The following ZFAND6 variants were observed in gnomAD, a reference collection of about 807,000 sequenced individuals.
ZFAND6 encodes zinc finger AN1-type containing 6, also known as AN1-type zinc finger protein 6.
A neutral mutation model predicts 24.5 loss-of-function variants in ZFAND6; 12 were observed. The observed-to-expected ratio is 0.49, with a 90% CI of 0.31 to 0.79. The LOEUF (loss-of-function observed/expected upper bound fraction) is 0.79, where lower values mean the gene tolerates loss of function less well. Ranked by LOEUF, ZFAND6 falls within the 30% of genes least tolerant of loss-of-function variation. The probability of loss-of-function intolerance (pLI) is 0.04; values close to 1 mark genes in which losing one functional copy is unlikely to be tolerated. For synonymous variants in ZFAND6, 92 were observed against 81.5 expected, an observed-to-expected ratio of 1.13 and a Z score of -0.69; for missense variants, 207 against 245.9, an observed-to-expected ratio of 0.84 and a Z score of 1.06.
intron 1 of ZFAND6, among the ~76,000 whole-genome samples, chr15:80,090,031 C>T (rs1007633936): frequency 1.3e-5 from 2 of 152,208 alleles, no homozygotes; most frequent in African/African-American, 4.8e-5. Flanking sequence ...TGTATAACTT[C>T]TCTTCCTTGT....
chr15:80,090,009 G>A (rs546330509), intron 1 of ZFAND6, among the ~76,000 whole-genome samples: 16 of 152,126 alleles, frequency 1.1e-4, no homozygotes, highest in African/African-American at 3.9e-4. Context: ...TCCCTATAAC[G>A]AAGCTAATCA....
chr15:80,081,847 G>A (rs1009071019), intron 1 of ZFAND6, among the ~76,000 whole-genome samples: 1 of 152,222 alleles, frequency 6.6e-6, no homozygotes, highest in Admixed American at 6.5e-5. Flanking sequence ...ATTACTGAGT[G>A]CAAACTTGTG....
At chr15:80,117,803 C>T (rs139374780) in intron 2 of ZFAND6, among the ~76,000 whole-genome samples, 1 of 151,950 alleles carries the variant, frequency 6.6e-6, no homozygotes, top group Non-Finnish European at 1.5e-5. Context: ...AGTTGGGTGC[C>T]ACTGCTTTGA....
chr15:80,137,742 G>A lies in ZFAND6; in HGVS notation c.*114G>A. ...CAGTGTATCTTGCATGTCATCGGAA[G>A]AATAGATTTTTGTTTTGGTTTTGTT... On this transcript the variant is annotated 3_prime_UTR_variant, in exon 7 of 7. Transcript: ENST00000261749. 1 of 1,152,558 alleles carries A rather than the reference G, an allele frequency of 8.7e-7. No individual in the cohort carries two copies. The highest frequency in any genetic ancestry group is 1.2e-6 in the Non-Finnish European group (1 of 868,816). 71.4% of individuals were successfully genotyped at this position (1,152,558 alleles called of 1,614,324 possible).
chr15:80,088,972 T>C (rs1004569438), intron 1 of ZFAND6, among the ~76,000 whole-genome samples: 6 of 152,258 alleles, frequency 3.9e-5, no homozygotes, highest in Non-Finnish European at 7.4e-5. Context: ...AGACCCACCA[T>C]AATCTTGCCC....
intron 1 of ZFAND6, among the ~76,000 whole-genome samples, chr15:80,088,103 T>C (rs2038114772): frequency 6.6e-6 from 1 of 152,226 alleles, no homozygotes; most frequent in Non-Finnish European, 1.5e-5. Flanking sequence ...TTATTTAGTT[T>C]TGTCAGTTGT....
chr15:80,137,401 G>C (rs1190385625), intron 6 of ZFAND6, 79 bp from the exon 7 acceptor site: 1 of 1,472,562 alleles, frequency 6.8e-7, no homozygotes, highest in African/African-American at 1.5e-5. Context: ...TAAATATATT[G>C]TGCTGTTCAG....
intron 1 of ZFAND6, chr15:80,060,073 G>A (rs1206263407): frequency 6.6e-6 from 1 of 151,638 alleles, no homozygotes; most frequent in African/African-American, 2.4e-5. Context: ...GCCCGCGGCC[G>A]GGGGCCGCTT....
At chr15:80,067,450 A>T (rs1334386032) in intron 1 of ZFAND6, among the ~76,000 whole-genome samples, 2 of 152,114 alleles carry the variant, frequency 1.3e-5, no homozygotes, top group East Asian at 3.8e-4. Flanking sequence ...TCATGGGCTC[A>T]TTTTATATTG....
At chr15:80,110,525 A>G (rs915417529) in intron 2 of ZFAND6, among the ~76,000 whole-genome samples, 1 of 152,082 alleles carries the variant, frequency 6.6e-6, no homozygotes. Flanking sequence ...GAAATTGACA[A>G]ACTGAATCTA....
Position 80,113,655 on chromosome 15 carries a change from G to A in ZFAND6, c.-17-6673G>A, listed in dbSNP as rs369949958. ...CTCCCCTTTTCAACAGAATATAGCC[G>A]TTTTTTGCCTGACATGAATACTTGT... On this transcript the variant is annotated intron_variant, in intron 2 of 6. Transcript: ENST00000261749. 8.9e-4 allele frequency among the ~76,000 whole-genome samples: 135 copies of A among 152,172 alleles called. 1 individual carries two copies. Among genetic ancestry groups the A allele is most frequent in the Middle Eastern group, 3.4e-3 (1 of 294 alleles).
At chr15:80,134,101 C>T (rs1478873456) in intron 6 of ZFAND6, among the ~76,000 whole-genome samples, 1 of 151,964 alleles carries the variant, frequency 6.6e-6, no homozygotes, top group Non-Finnish European at 1.5e-5. Flanking sequence ...GATTCTCCTG[C>T]CTCAGCCTCC....
intron 2 of ZFAND6, among the ~76,000 whole-genome samples, chr15:80,115,753 G>A (rs1483714008): frequency 6.6e-6 from 1 of 151,380 alleles, no homozygotes; most frequent in African/African-American, 2.4e-5. Context: ...GAAAATCATT[G>A]TTAATTTGAT....
intron 1 of ZFAND6, among the ~76,000 whole-genome samples, chr15:80,067,087 T>G (rs78603737): frequency 0.038 from 5,839 of 152,222 alleles, 149 homozygotes; most frequent in Non-Finnish European, 0.053. Flanking sequence ...GCAAAGTGCT[T>G]GACTTGACTT....
At chr15:80,114,154 G>T (rs1463266316) in intron 2 of ZFAND6, among the ~76,000 whole-genome samples, 1 of 152,158 alleles carries the variant, frequency 6.6e-6, no homozygotes, top group East Asian at 1.9e-4. Context: ...ATTTTGCTAT[G>T]TGCCACACAC....
At chr15:80,068,773 A>C (rs1044783011) in intron 1 of ZFAND6, among the ~76,000 whole-genome samples, 1 of 152,358 alleles carries the variant, frequency 6.6e-6, no homozygotes, top group South Asian at 2.1e-4. Flanking sequence ...TTAAATTTCA[A>C]TGTGACTACT....
intron 2 of ZFAND6, among the ~76,000 whole-genome samples, chr15:80,103,075 G>A (rs563021712): frequency 6.6e-6 from 1 of 152,186 alleles, no homozygotes; most frequent in Non-Finnish European, 1.5e-5. Context: ...TGTCTGGAGG[G>A]TTTATCCCAT....
intron 1 of ZFAND6, among the ~76,000 whole-genome samples, chr15:80,085,712 T>TA (rs1405093256): frequency 2.0e-5 from 3 of 152,334 alleles, no homozygotes; most frequent in Non-Finnish European, 4.4e-5. Flanking sequence ...ATATTGTACA[T>TA]ACTGTTTTTA....
At chr15:80,136,073 C>G (rs2040848301) in intron 6 of ZFAND6, among the ~76,000 whole-genome samples, 1 of 151,122 alleles carries the variant, frequency 6.6e-6, no homozygotes, top group Admixed American at 6.6e-5. Context: ...CTGCAGTGAG[C>G]TATGATTGCA....
Sources: allele counts gnomAD v4.1 joint callset (sites outside exome capture counted in the v4.1 genomes callset), GRCh38; gene constraint gnomAD v4.1.1; transcripts MANE v1.5; gene names NCBI Gene and HGNC (gene_info 2026-07-23, HGNC 2026-07-21).